Variants in PREX1 observed in about 807,000 individuals in gnomAD.
The protein encoded by PREX1 is phosphatidylinositol 3,4,5-trisphosphate-dependent Rac exchanger 1 protein.
A neutral mutation model predicts 198.3 loss-of-function variants in PREX1; 41 were observed. The ratio of observed to expected loss-of-function variants is 0.21; its 90% confidence interval spans 0.16 to 0.27. The LOEUF (loss-of-function observed/expected upper bound fraction) is 0.27. Ranked by LOEUF, PREX1 falls within the 10% of genes least tolerant of loss-of-function variation. The pLI is 1.00. For synonymous variants in PREX1, 843 were observed against 887.2 expected, an observed-to-expected ratio of 0.95 and a Z score of 0.89; for missense variants, 1,620 against 2,200.7, an observed-to-expected ratio of 0.74 and a Z score of 5.28.
At chr20:48,627,040 C>T (rs942736838) in intron 39 of PREX1, among the ~76,000 whole-genome samples, 1 of 152,216 alleles carries the variant, frequency 6.6e-6, no homozygotes, top group African/African-American at 2.4e-5. Context: ...AGAGAGCATT[C>T]CTGCAAATCA....
the PREX1 span, among the ~76,000 whole-genome samples, chr20:48,870,777 G>A: frequency 6.8e-6 from 1 of 147,774 alleles, no homozygotes; most frequent in South Asian, 2.2e-4. Flanking sequence ...GCAAAACCCT[G>A]TCTCTACTAT....
intron 1 of PREX1, among the ~76,000 whole-genome samples, chr20:48,786,232 G>A (rs998209310): frequency 1.3e-5 from 2 of 152,134 alleles, no homozygotes; most frequent in Admixed American, 6.5e-5. Context: ...GTAAGCAGCT[G>A]GACCCCCTTG....
At chr20:48,670,627 C>T (rs2089669182) in intron 14 of PREX1, among the ~76,000 whole-genome samples, 2 of 152,250 alleles carry the variant, frequency 1.3e-5, no homozygotes, top group Admixed American at 1.3e-4. Flanking sequence ...TCTGCCCTGG[C>T]CACGTCCTTG....
At chr20:48,798,576 A>G (rs941309933) in intron 1 of PREX1, among the ~76,000 whole-genome samples, 1 of 152,120 alleles carries the variant, frequency 6.6e-6, no homozygotes, top group Admixed American at 6.5e-5. Flanking sequence ...TTAAACTCTG[A>G]CAAGTCCTTT....
intron 1 of PREX1, among the ~76,000 whole-genome samples, chr20:48,806,933 G>A (rs2090414389): frequency 6.6e-6 from 1 of 152,176 alleles, no homozygotes; most frequent in Admixed American, 6.5e-5. Context: ...TGGCTTCTCA[G>A]AAGAGGTATA....
intron 16 of PREX1, 151 bp from the exon 17 acceptor site, chr20:48,658,379 G>T: frequency 1.4e-6 from 1 of 697,092 alleles, no homozygotes; most frequent in South Asian, 1.8e-5. Context: ...AACGCAAACA[G>T]CACCTGGCAG....
intron 15 of PREX1, among the ~76,000 whole-genome samples, chr20:48,661,340 A>G (rs1568809627): frequency 7.2e-6 from 1 of 138,436 alleles, no homozygotes; most frequent in East Asian, 2.3e-4. Context: ...AACTGCTTGA[A>G]CCCGGGAGGT....
At position 48,674,091 on chromosome 20, in the gene PREX1, G is replaced by C. The variant is rs115101291; in HGVS notation, c.1665+2102C>G. 7.8e-3 allele frequency among the ~76,000 whole-genome samples: 1,190 copies of C among 152,242 alleles called. 17 individuals are homozygous for C. The highest frequency in any genetic ancestry group is 0.027 in the African/African-American group (1,124 of 41,524). On this transcript the variant is annotated intron_variant, in intron 14 of 39. Coordinates refer to ENST00000371941, the MANE Select transcript of PREX1 (RefSeq NM_020820.4). Reference sequence around the variant, plus strand: ...TGCATGTGATTCTCACGAGGGCTGGGGAGTGTGGTACAATGGTTAGCAGCT... The same window carrying C: ...TGCATGTGATTCTCACGAGGGCTGGCGAGTGTGGTACAATGGTTAGCAGCT...
chr20:48,797,446 C>A (rs1351018402), intron 1 of PREX1, among the ~76,000 whole-genome samples: 1 of 151,344 alleles, frequency 6.6e-6, no homozygotes, highest in East Asian at 1.9e-4. Flanking sequence ...TCCCCTTTTA[C>A]CACCCCTCTT....
intron 1 of PREX1, among the ~76,000 whole-genome samples, chr20:48,782,513 A>G (rs1051964216): frequency 2.0e-5 from 3 of 152,174 alleles, no homozygotes; most frequent in Admixed American, 1.3e-4. Flanking sequence ...GTGAAAATGG[A>G]CTAATACACC....
In PREX1 at chr20:48,650,015, G is replaced by A. The variant is rs142843026; in HGVS notation, c.3009C>T (p.Ile1003=). 291 of 1,614,162 alleles carry A rather than the reference G, an allele frequency of 1.8e-4. 1 individual carries two copies. In the African/African-American group the frequency reaches 2.0e-3, roughly 11 times the overall value. The change falls in exon 24 of 40, where the codon ATC becomes ATT. Residue 1003 remains isoleucine (I), a synonymous_variant. Coordinates refer to ENST00000371941, the MANE Select transcript of PREX1 (RefSeq NM_020820.4). ...AGGTACCTTGCTCCGGGTCAAGGCC[G>A]ATGAGGGAGGGTTTGCGTCCAAAGC... is the stretch of plus-strand genomic sequence containing the variant. The part of the protein sequence containing the change: ...SIRFGRKPSL[I]GLDPEQGHLN...
intron 4 of PREX1, among the ~76,000 whole-genome samples, chr20:48,733,976 C>T (rs1368527224): frequency 1.3e-5 from 2 of 152,198 alleles, no homozygotes; most frequent in African/African-American, 4.8e-5. Context: ...TAGTCTTGAA[C>T]TCCTGGTCTC....
intron 12 of PREX1, 106 bp downstream of exon 12, chr20:48,679,545 G>T: frequency 7.2e-7 from 1 of 1,385,626 alleles, no homozygotes; most frequent in Non-Finnish European, 1.0e-6. Flanking sequence ...TGTGGGCAGT[G>T]GAGAAGGCAA....
intron 6 of PREX1, among the ~76,000 whole-genome samples, chr20:48,703,814 G>C (rs1320451545): frequency 6.6e-6 from 1 of 152,138 alleles, no homozygotes; most frequent in Non-Finnish European, 1.5e-5. Flanking sequence ...CACACTACAG[G>C]GGGATACCCC....
chr20:48,752,397 T>C (rs974517910), intron 1 of PREX1, among the ~76,000 whole-genome samples: 4 of 152,244 alleles, frequency 2.6e-5, no homozygotes, highest in African/African-American at 9.6e-5. Context: ...TTTACCCATG[T>C]TGATATGTAC....
the PREX1 span, among the ~76,000 whole-genome samples, chr20:48,858,548 A>C: frequency 6.6e-6 from 1 of 152,188 alleles, no homozygotes; most frequent in Non-Finnish European, 1.5e-5. Context: ...CAGAGAGAAC[A>C]CAGGCCAGAC....
intron 14 of PREX1, among the ~76,000 whole-genome samples, chr20:48,675,146 CA>C (rs1370981607): frequency 6.6e-6 from 1 of 152,182 alleles, no homozygotes; most frequent in East Asian, 1.9e-4. Context: ...GAGGTATGGC[CA>C]TCAGGAGGGG....
In PREX1 at chr20:48,827,632, C is replaced by G. The variant is rs2090515641; in HGVS notation, c.219+10G>C. 3 of 1,291,168 alleles carry G rather than the reference C, an allele frequency of 2.3e-6. 1 individual carries two copies. The African/African-American group carries it at 4.6e-5, about 20-fold the overall frequency. 80.0% of individuals were successfully genotyped at this position (1,291,168 alleles called of 1,614,324 possible). On this transcript the variant is annotated intron_variant, in intron 1 of 39. Coordinates refer to ENST00000371941, the MANE Select transcript of PREX1 (RefSeq NM_020820.4). The surrounding 1 kb of genome is among the most constrained non-coding windows in gnomAD (Gnocchi z 4.1). ...GGAAAGCTGTCCCCAAGCTCCCGAG[C>G]GACACTCACCGACTGCAAGAAGCGC...
At chr20:48,687,945 T>C (rs2089794960) in intron 10 of PREX1, among the ~76,000 whole-genome samples, 1 of 152,126 alleles carries the variant, frequency 6.6e-6, no homozygotes, top group Non-Finnish European at 1.5e-5. Flanking sequence ...GCCCCTCACA[T>C]GTAACTCAGG....
Sources: gnomAD v4.1 joint callset for allele counts (sites outside exome capture counted in the v4.1 genomes callset) on GRCh38, gnomAD v4.1.1 for gene constraint, Gnocchi (gnomAD v3.1) non-coding constraint, MANE v1.5 for transcripts, NCBI Gene and HGNC (gene_info 2026-07-23, HGNC 2026-07-21) for gene names.